KLK4: variants seen among roughly 807,000 people sequenced by gnomAD.
The protein encoded by KLK4 is kallikrein related peptidase 4.
Under a neutral mutation model 24.3 loss-of-function variants are expected in KLK4, and 24 were observed. The observed-to-expected ratio is 0.99, with a 90% CI of 0.72 to 1.39. The LOEUF (loss-of-function observed/expected upper bound fraction) is 1.39, where lower values mean the gene tolerates loss of function less well. KLK4 is among the 40% of genes most tolerant of loss of function. The pLI is 0.00. For missense variants in KLK4, 344 were observed against 327.4 expected (o/e 1.05, Z -0.39); for synonymous variants, 142 against 138.8 (o/e 1.02, Z -0.16).
At position 50,910,495 on chromosome 19, in the gene KLK4, G is replaced by A. The variant is rs2090478663; in HGVS notation, c.61+183C>T. On this transcript the variant is annotated intron_variant, in intron 2 of 5. Transcript: ENST00000324041. The surrounding 1 kb of genome is among the most constrained non-coding windows in gnomAD (Gnocchi z 4.4). Reference sequence around the variant, plus strand: ...GTACAACCACACACCCAGGCACACTGCCACACACAAATTTACCACGATACA... The same window carrying A: ...GTACAACCACACACCCAGGCACACTACCACACACAAATTTACCACGATACA... Among the ~76,000 whole-genome samples the A allele has an allele frequency of 6.6e-6, 1 of 152,052 alleles. No homozygotes were observed. Among genetic ancestry groups the A allele is most frequent in the Non-Finnish European group, 1.5e-5 (1 of 68,014 alleles).
intron 5 of KLK4, 105 bp downstream of exon 5, chr19:50,908,254 T>C: frequency 1.5e-6 from 2 of 1,324,410 alleles, no homozygotes; most frequent in Non-Finnish European, 2.2e-6. Context: ...TGTCTCCCTG[T>C]GTGTCTCTCC....
chr19:50,907,321 T>C lies in KLK4; in HGVS notation c.613-235A>G, dbSNP rs74843690. Among the ~76,000 whole-genome samples, 941 of 152,226 alleles carry C rather than the reference T, an allele frequency of 6.2e-3. 5 individuals are homozygous for C. Among genetic ancestry groups the C allele is most frequent in the African/African-American group, 0.022 (900 of 41,520 alleles). On this transcript the variant is annotated intron_variant, in intron 5 of 5. Transcript: ENST00000324041. Reference sequence around the variant, plus strand: ...CTGCTTCTCTTGGGCTTGTGGTCTGTCTGTTTCTGTTTGTCTGTCTCTCCT... The same window carrying C: ...CTGCTTCTCTTGGGCTTGTGGTCTGCCTGTTTCTGTTTGTCTGTCTCTCCT...
chr19:50,906,808 G>A (rs1272292703), exon 6 of KLK4: 3 of 1,188,130 alleles, frequency 2.5e-6, no homozygotes, highest in Admixed American at 3.4e-5. Context: ...CCCTTGGTTT[G>A]AGGGAGGAGG....
At chr19:50,907,877 A>C in intron 5 of KLK4, 1 of 243,726 alleles carries the variant, frequency 4.1e-6, no homozygotes, top group South Asian at 5.7e-5. Context: ...ATTTTAGGAG[A>C]GTTGCAACAA....
At chr19:50,908,458 C>T (rs1395653290) in exon 5 of KLK4, 1 of 1,614,048 alleles carries the variant, frequency 6.2e-7, no homozygotes, top group Admixed American at 1.7e-5. Flanking sequence ...CAGACACCAC[C>T]GACACGTTCA....
In KLK4 at chr19:50,910,659, C is replaced by T; in HGVS notation, c.61+19G>A. 1 of 1,552,412 alleles carries T rather than the reference C, an allele frequency of 6.4e-7. No homozygotes were observed. Among genetic ancestry groups the T allele is most frequent in the Middle Eastern group, 1.7e-4 (1 of 5,990 alleles). On this transcript the variant is annotated intron_variant, in intron 2 of 5. Coordinates refer to ENST00000324041, the Ensembl canonical transcript of KLK4. This position sits in a 1 kb window ranked among gnomAD's most constrained non-coding sequence, Gnocchi z 4.4. Reference sequence around the variant, plus strand: ...GTGCCCCCAAGCACGGACAGACACACACACGCATACTCAGATACCTGCGAC... The same window carrying T: ...GTGCCCCCAAGCACGGACAGACACATACACGCATACTCAGATACCTGCGAC...
intron 3 of KLK4, 138 bp from the exon 4 acceptor site, chr19:50,908,967 A>G (rs911919335): frequency 1.1e-5 from 16 of 1,516,240 alleles, no homozygotes; most frequent in South Asian, 3.7e-5. Flanking sequence ...CTACTTAACC[A>G]TGGTCTCAAA....
Position 50,910,629 on chromosome 19 carries a change from A to G in KLK4, c.61+49T>C, listed in dbSNP as rs754406171. On this transcript the variant is annotated intron_variant, in intron 2 of 5. Coordinates refer to ENST00000324041, the Ensembl canonical transcript of KLK4. This position sits in a 1 kb window ranked among gnomAD's most constrained non-coding sequence, Gnocchi z 4.4. ...CTGAGTCACACCTGAACATTAACAAACACTGTGCCCCCAAGCACGGACAGA... is the reference window on the plus strand; with the variant it reads ...CTGAGTCACACCTGAACATTAACAAGCACTGTGCCCCCAAGCACGGACAGA... 1 of 1,510,468 alleles carries G rather than the reference A, an allele frequency of 6.6e-7. No individual in the cohort carries two copies. The highest frequency in any genetic ancestry group is 9.0e-7 in the Non-Finnish European group (1 of 1,109,344). 93.6% of individuals were successfully genotyped at this position (1,510,468 alleles called of 1,614,324 possible).
At chr19:50,908,391 C>A in exon 5 of KLK4, 1 of 1,614,006 alleles carries the variant, frequency 6.2e-7, no homozygotes, top group Non-Finnish European at 8.5e-7. Flanking sequence ...TGCCCTCCGC[C>A]GGCGCAGAAC....
intron 5 of KLK4, chr19:50,908,153 C>T: frequency 1.5e-6 from 1 of 660,052 alleles, no homozygotes; most frequent in Non-Finnish European, 2.6e-6. Context: ...TTCTGCCTCC[C>T]CATGTCTGTT....
At chr19:50,907,029 C>T (rs1036533184) in exon 6 of KLK4, 11 of 1,613,994 alleles carry the variant, frequency 6.8e-6, no homozygotes, top group East Asian at 2.2e-5. Flanking sequence ...GGGGCTTTTC[C>T]GAAAGACACA....
At chr19:50,909,956 C>A (rs1047404787) in intron 2 of KLK4, among the ~76,000 whole-genome samples, 8 of 150,632 alleles carry the variant, frequency 5.3e-5, no homozygotes, top group African/African-American at 2.0e-4. Context: ...AAGGTGGGAC[C>A]AGGGCTTCTG....
At position 50,910,245 on chromosome 19, in the gene KLK4, C is replaced by T. The variant is rs1205602041; in HGVS notation, c.61+433G>A. Among the ~76,000 whole-genome samples the T allele has an allele frequency of 6.6e-6, 1 of 152,080 alleles. No homozygotes were observed. Among genetic ancestry groups the T allele is most frequent in the Non-Finnish European group, 1.5e-5 (1 of 68,010 alleles). On this transcript the variant is annotated intron_variant, in intron 2 of 5. Transcript: ENST00000324041. This position sits in a 1 kb window ranked among gnomAD's most constrained non-coding sequence, Gnocchi z 4.4. ...AGTCACACCAAGCCACAAGCCCATG[C>T]ACACCAAAACACCGTTTTATAGTCC...
At chr19:50,908,421 G>A in exon 5 of KLK4, 1 of 1,614,092 alleles carries the variant, frequency 6.2e-7, no homozygotes, top group Non-Finnish European at 8.5e-7. Context: ...TGGTACAGCG[G>A]GTCATAGAGC....
rs913305129 is a variant in KLK4 at position 50,909,513 on chromosome 19, C to T, written c.62-99G>A. On this transcript the variant is annotated intron_variant, in intron 2 of 5. Coordinates refer to ENST00000324041, the Ensembl canonical transcript of KLK4. ...AGGGGCGTGGTCAGAGGTTCAGGAGCAGTCAGGGCTCCTCGGGGCGGAGTC... is the reference window on the plus strand; with the variant it reads ...AGGGGCGTGGTCAGAGGTTCAGGAGTAGTCAGGGCTCCTCGGGGCGGAGTC... 4 of 1,289,676 alleles carry T rather than the reference C, an allele frequency of 3.1e-6. No individual in the cohort carries two copies. The Admixed American group carries it at 5.2e-5, about 17-fold the overall frequency. 79.9% of individuals were successfully genotyped at this position (1,289,676 alleles called of 1,614,324 possible).
chr19:50,909,573 G>C (rs1386870797), intron 2 of KLK4, among the ~76,000 whole-genome samples, 159 bp from the exon 3 acceptor site: 1 of 150,528 alleles, frequency 6.6e-6, no homozygotes, highest in Admixed American at 6.6e-5. Flanking sequence ...CGGGCCCAGG[G>C]CTCTTGGGGG....
At chr19:50,909,352 G>C in exon 3 of KLK4, 8 of 1,614,242 alleles carry the variant, frequency 5.0e-6, no homozygotes, top group Non-Finnish European at 6.8e-6. Context: ...TGCCAGGGCT[G>C]CGAGTGCGGG....
At position 50,909,340 on chromosome 19, in the gene KLK4, C is replaced by T. The variant is rs774625325; in HGVS notation, c.136G>A (p.Ala46Thr). Residue 46 changes from alanine to threonine, a missense_variant, in exon 3 of 6, where the codon GCG becomes ACG. Coordinates refer to ENST00000324041, the Ensembl canonical transcript of KLK4. ...AATTCGTTTTCCATGACCAGTGCCG[C>T]CTGCCAGGGCTGCGAGTGCGGGCTG... The T allele has an allele frequency of 1.5e-5, 24 of 1,614,096 alleles. No homozygotes were observed. The South Asian group carries it at 1.5e-4, about 10-fold the overall frequency.
rs3830681 is a variant in KLK4 at position 50,910,958 on chromosome 19, A to AAG, written c.-11-211_-11-210dup. Among the ~76,000 whole-genome samples the AAG allele has an allele frequency of 6.6e-6, 1 of 151,320 alleles. No individual in the cohort carries two copies. The highest frequency in any genetic ancestry group is 1.5e-5 in the Non-Finnish European group (1 of 67,854). On this transcript the variant is annotated intron_variant, in intron 1 of 5. Coordinates refer to ENST00000324041, the Ensembl canonical transcript of KLK4. This position sits in a 1 kb window ranked among gnomAD's most constrained non-coding sequence, Gnocchi z 4.4. ...AGAAAAAGAGAGAGAGAGATGGGAAAAGAGAGAGAGAGAGAGAACTAGGTA... is the reference window on the plus strand; with the variant it reads ...AGAAAAAGAGAGAGAGAGATGGGAAAAGAGAGAGAGAGAGAGAGAACTAGGTA...
Sources: gnomAD v4.1 joint callset for allele counts (sites outside exome capture counted in the v4.1 genomes callset) on GRCh38, gnomAD v4.1.1 for gene constraint, Gnocchi (gnomAD v3.1) non-coding constraint, MANE v1.5 for transcripts, NCBI Gene and HGNC (gene_info 2026-07-23, HGNC 2026-07-21) for gene names.